FANCL: variants seen among roughly 807,000 people sequenced by gnomAD.
FANCL encodes FA complementation group L.
FANCL carries 69 observed loss-of-function variants against 59.4 expected under a neutral mutation model. The ratio of observed to expected loss-of-function variants is 1.16; its 90% CI spans 0.96 to 1.42. FANCL has a LOEUF of 1.42. Ranked by LOEUF, FANCL falls within the 40% of genes most tolerant of loss-of-function variation. The pLI is 0.00. For synonymous variants in FANCL, 180 were observed against 147.1 expected, an observed-to-expected ratio of 1.22 and a Z score of -1.62; for missense variants, 519 against 447.2, an observed-to-expected ratio of 1.16 and a Z score of -1.45.
At position 58,220,910 on chromosome 2, in the gene FANCL, C is replaced by T. The variant is rs577867469; in HGVS notation, c.374+1032G>A. Among the ~76,000 whole-genome samples the T allele has an allele frequency of 3.3e-5, 5 of 152,230 alleles. No homozygotes were observed. The South Asian group carries it at 6.2e-4, about 19-fold the overall frequency. On this transcript the variant is annotated intron_variant, in intron 5 of 13. Transcript: ENST00000233741. ...ATGAATACTAAAATACTATTGATAA[C>T]GGTTAAGAAGTGATAAGAATTGCCG... is the stretch of plus-strand genomic sequence containing the variant.
chr2:58,169,383 C>G (rs1686299450), intron 7 of FANCL, among the ~76,000 whole-genome samples: 1 of 152,060 alleles, frequency 6.6e-6, no homozygotes, highest in Non-Finnish European at 1.5e-5. Context: ...ACATCCACAC[C>G]AAAACCCCAT....
intron 6 of FANCL, among the ~76,000 whole-genome samples, chr2:58,203,287 T>C (rs1690230635): frequency 6.6e-6 from 1 of 151,908 alleles, no homozygotes; most frequent in African/African-American, 2.4e-5. Flanking sequence ...GCTTTAGATA[T>C]TAATTTTCTC....
chr2:58,240,453 T>C (rs1216087856), intron 1 of FANCL, among the ~76,000 whole-genome samples: 1 of 152,106 alleles, frequency 6.6e-6, no homozygotes, highest in Non-Finnish European at 1.5e-5. Flanking sequence ...ACAGCCTGCG[T>C]TTAAGGGATT....
intron 7 of FANCL, among the ~76,000 whole-genome samples, chr2:58,179,278 C>T (rs938019722): frequency 6.6e-6 from 1 of 152,120 alleles, no homozygotes; most frequent in Non-Finnish European, 1.5e-5. Flanking sequence ...ATAGCCAAGA[C>T]AATCCTAAGC....
intron 1 of FANCL, among the ~76,000 whole-genome samples, chr2:58,233,786 A>G (rs1693783078): frequency 1.3e-5 from 2 of 152,076 alleles, no homozygotes; most frequent in Admixed American, 1.3e-4. Flanking sequence ...CTGACCTACA[A>G]AGAGAAGACT....
In FANCL at chr2:58,213,685, G is replaced by A. The variant is rs1004811009; in HGVS notation, c.374+8257C>T. On this transcript the variant is annotated intron_variant, in intron 5 of 13. Transcript: ENST00000233741. ...GCCCAGGAGTGTGAGACTCGCCTGG[G>A]CAATACAGCAAAACCTTGTCTCTTA... 4 of 147,588 alleles carry A rather than the reference G, an allele frequency of 2.7e-5. No homozygotes were observed. In the Admixed American group the frequency reaches 2.7e-4, roughly 10 times the overall value. The allele number at this position is 147,588 out of a possible 1,614,324, so 9.1% of individuals were successfully genotyped here.
chr2:58,202,681 C>T (rs1221735228), intron 6 of FANCL, among the ~76,000 whole-genome samples: 1 of 151,680 alleles, frequency 6.6e-6, no homozygotes, highest in Non-Finnish European at 1.5e-5. Flanking sequence ...ATCTTATCTA[C>T]CTTGAAAAAG....
intron 7 of FANCL, among the ~76,000 whole-genome samples, chr2:58,185,242 T>C (rs141581300): frequency 1.3e-5 from 2 of 152,132 alleles, no homozygotes; most frequent in South Asian, 2.1e-4. Flanking sequence ...CATAAAGATA[T>C]TAAGAGATCA....
chr2:58,183,429 C>T (rs183251765), intron 7 of FANCL, among the ~76,000 whole-genome samples: 221 of 151,920 alleles, frequency 1.5e-3, no homozygotes, highest in African/African-American at 5.0e-3. Flanking sequence ...TCCTCTCTTA[C>T]AGCACTCCCC....
chr2:58,172,769 G>C (rs1462414460), intron 7 of FANCL, among the ~76,000 whole-genome samples: 2 of 152,174 alleles, frequency 1.3e-5, no homozygotes, highest in African/African-American at 4.8e-5. Flanking sequence ...CACCAGCAAT[G>C]GAACAAAGCT....
rs1363031365 is a variant in FANCL at position 58,229,857 on chromosome 2, T to C, written c.173A>G (p.Gln58Arg). Residue 58 changes from glutamine (Q) to arginine (R), a missense_variant, in exon 3 of 14, where the codon CAG (glutamine) becomes CGG (arginine). Transcript: ENST00000233741. Reference sequence around the variant, plus strand: ...GTATCCACTAAGTATTGTTCTCAGCTGCCAACTACATAATAATCTAAAATT... The same window carrying C: ...GTATCCACTAAGTATTGTTCTCAGCCGCCAACTACATAATAATCTAAAATT... ...LKNARLLCSW[Q>R]LRTILSGYHR... 1.2e-6 allele frequency: 2 copies of C among 1,610,524 alleles called. No individual in the cohort carries two copies. Among genetic ancestry groups the C allele is most frequent in the African/African-American group, 2.7e-5 (2 of 74,854 alleles).
intron 2 of FANCL, among the ~76,000 whole-genome samples, chr2:58,231,846 G>C (rs1354095362): frequency 1.3e-5 from 2 of 152,108 alleles, no homozygotes; most frequent in Non-Finnish European, 2.9e-5. Flanking sequence ...TTAAAAATGA[G>C]AGAACTAATG....
At chr2:58,165,905 T>C (rs764661559) in intron 7 of FANCL, 31 bp from the exon 8 acceptor site, 2 of 1,599,404 alleles carry the variant, frequency 1.3e-6, no homozygotes, top group African/African-American at 1.3e-5. Flanking sequence ...GAATAAGTTA[T>C]ATGGTACTCT....
Position 58,165,752 on chromosome 2 carries a change from C to A in FANCL, c.663G>T (p.Arg221=), listed in dbSNP as rs1246817831. ...TWVLEPEKPP[R]SATARRIALG... is the part of the protein sequence containing the mutation. ...ATGCAATTCTGCGTGCTGTTGCACT[C>A]CGTGGAGGTTTTTCTGGCTCAAGTA... The change falls in exon 8 of 14, where the codon CGG becomes CGT. Residue 221 remains arginine, a synonymous_variant. Transcript: ENST00000233741. The A allele has an allele frequency of 6.2e-7, 1 of 1,614,074 alleles. No individual in the cohort carries two copies. The highest frequency in any genetic ancestry group is 8.5e-7 in the Non-Finnish European group (1 of 1,179,970).
chr2:58,170,728 T>G (rs1686510378), intron 7 of FANCL, among the ~76,000 whole-genome samples: 1 of 148,752 alleles, frequency 6.7e-6, no homozygotes, highest in Admixed American at 6.7e-5. Flanking sequence ...GCAATACCAG[T>G]ATCTGATAAA....
intron 5 of FANCL, among the ~76,000 whole-genome samples, chr2:58,211,864 C>A (rs1055835159): frequency 3.3e-5 from 5 of 150,446 alleles, no homozygotes; most frequent in Non-Finnish European, 5.9e-5. Context: ...TCAGCCTGGA[C>A]CTTACTGTCC....
intron 7 of FANCL, among the ~76,000 whole-genome samples, chr2:58,183,582 C>G (rs1015160275): frequency 1.3e-5 from 2 of 151,862 alleles, no homozygotes; most frequent in Non-Finnish European, 2.9e-5. Flanking sequence ...TGATTTTATT[C>G]TAATCTTTCA....
intron 6 of FANCL, 143 bp downstream of exon 6, chr2:58,203,987 T>C: frequency 4.1e-6 from 3 of 734,060 alleles, no homozygotes; most frequent in East Asian, 2.7e-5. Context: ...AATAAATTCT[T>C]TGAGGCTTTC....
chr2:58,217,163 A>ATT (rs1253976907), intron 5 of FANCL, among the ~76,000 whole-genome samples: 9 of 63,670 alleles, frequency 1.4e-4, no homozygotes, highest in Non-Finnish European at 2.2e-4. Context: ...ATATTTATAT[A>ATT]TTTTATATAT....
Sources: gnomAD v4.1 joint callset for allele counts (sites outside exome capture counted in the v4.1 genomes callset) on GRCh38, gnomAD v4.1.1 for gene constraint, MANE v1.5 for transcripts, NCBI Gene and HGNC (gene_info 2026-07-23, HGNC 2026-07-21) for gene names.